TMEM163: variants seen among roughly 807,000 people sequenced by gnomAD.
TMEM163 encodes the protein transmembrane protein 163.
Under a neutral mutation model 29.3 loss-of-function variants are expected in TMEM163, and 17 were observed. That is an observed-to-expected ratio of 0.58 (90% CI 0.40 to 0.87). TMEM163 has a LOEUF of 0.87. Among genes scored for constraint, TMEM163 ranks in the 40% least tolerant of loss-of-function variants. TMEM163 has a pLI of 0.00. For missense variants in TMEM163, 303 were observed against 381.5 expected, an observed-to-expected ratio of 0.79 and a Z score of 1.71; for synonymous variants, 157 against 160.6, an observed-to-expected ratio of 0.98 and a Z score of 0.17.
At chr2:134,674,979 T>G (rs904597445) in intron 2 of TMEM163, among the ~76,000 whole-genome samples, 1 of 152,230 alleles carries the variant, frequency 6.6e-6, no homozygotes, top group African/African-American at 2.4e-5. Context: ...CCTGAATACG[T>G]ACATAATTTG....
At chr2:134,516,862 C>T (rs1048769889) in intron 4 of TMEM163, among the ~76,000 whole-genome samples, 4 of 150,718 alleles carry the variant, frequency 2.7e-5, no homozygotes, top group East Asian at 3.9e-4. Context: ...GGCCAAGGAC[C>T]GCAAGACTAA....
chr2:134,641,563 A>G (rs1297679470), intron 2 of TMEM163, among the ~76,000 whole-genome samples: 1 of 152,196 alleles, frequency 6.6e-6, no homozygotes, highest in African/African-American at 2.4e-5. Flanking sequence ...TGTGCAATAC[A>G]TATATCTGGC....
chr2:134,475,054 T>A (rs1047196720), intron 5 of TMEM163, among the ~76,000 whole-genome samples: 2 of 152,076 alleles, frequency 1.3e-5, no homozygotes, highest in African/African-American at 4.8e-5. Flanking sequence ...AAAGAACAAG[T>A]TTCAAAGGTT....
At chr2:134,456,904 G>A in intron 7 of TMEM163, 128 bp from the exon 8 acceptor site, 1 of 933,668 alleles carries the variant, frequency 1.1e-6, no homozygotes, top group Non-Finnish European at 1.6e-6. Context: ...GTGGCTCGGT[G>A]GTTTTTAGTA....
intron 2 of TMEM163, among the ~76,000 whole-genome samples, chr2:134,636,446 G>A (rs898941433): frequency 2.0e-5 from 3 of 152,148 alleles, no homozygotes; most frequent in African/African-American, 4.8e-5. Context: ...CATCGAAACC[G>A]CCATTGCAAA....
chr2:134,461,456 C>T (rs1027757798), intron 6 of TMEM163, among the ~76,000 whole-genome samples: 6 of 152,184 alleles, frequency 3.9e-5, no homozygotes, highest in African/African-American at 1.2e-4. Flanking sequence ...CTGTGCCCCT[C>T]GTCCAGAGCG....
At chr2:134,596,460 C>T (rs1220789071) in intron 2 of TMEM163, among the ~76,000 whole-genome samples, 2 of 152,128 alleles carry the variant, frequency 1.3e-5, no homozygotes, top group Admixed American at 6.5e-5. Flanking sequence ...CTGTTCTGTT[C>T]CATTGGTCTG....
rs370180070 is a variant in TMEM163, at chr2:134,542,217, T to TAGAAAGAA, written c.458+8352_458+8353insTTCTTTCT. Among the ~76,000 whole-genome samples the TAGAAAGAA allele has an allele frequency of 3.6e-3, 549 of 152,324 alleles. 7 individuals are homozygous for TAGAAAGAA. The highest frequency in any genetic ancestry group is 0.012 in the African/African-American group (519 of 41,564). ...AAAACAATTTTCAAAATTTTAGGGA[T>TAGAAAGAA]AGAAAGTAAGTTATTCAATGCCATG... On this transcript the variant is annotated intron_variant, in intron 4 of 7. Coordinates refer to ENST00000281924, the MANE Select transcript of TMEM163 (RefSeq NM_030923.5).
chr2:134,505,232 G>A (rs1442554620), intron 4 of TMEM163, among the ~76,000 whole-genome samples: 3 of 134,150 alleles, frequency 2.2e-5, no homozygotes, highest in Non-Finnish European at 3.1e-5. Context: ...ACTCACCTGG[G>A]GAATTCCTTT....
chr2:134,503,043 C>A (rs1483934200), intron 4 of TMEM163, 46 bp from the exon 5 acceptor site: 1 of 1,530,358 alleles, frequency 6.5e-7, no homozygotes, highest in African/African-American at 1.4e-5. Context: ...AGAACTCACA[C>A]TGCTGAAGAG....
chr2:134,469,090 G>T (rs957916033), intron 5 of TMEM163: 2 of 152,154 alleles, frequency 1.3e-5, no homozygotes, highest in Non-Finnish European at 2.9e-5. Flanking sequence ...AGCCTGGTCA[G>T]CATTCTCGTA....
intron 5 of TMEM163, among the ~76,000 whole-genome samples, chr2:134,486,936 G>A (rs930633603): frequency 1.3e-5 from 2 of 152,114 alleles, no homozygotes; most frequent in African/African-American, 4.8e-5. Context: ...ACATCTTAAA[G>A]GAAAAGAAAA....
chr2:134,712,999 C>A (rs1258436736), intron 2 of TMEM163, among the ~76,000 whole-genome samples: 1 of 152,148 alleles, frequency 6.6e-6, no homozygotes, highest in Admixed American at 6.5e-5. Context: ...CAGTCACTCT[C>A]CACCTCATCT....
rs1287690592 is a variant in TMEM163 at position 134,601,639 on chromosome 2, CA to C, written c.323-49549del. On this transcript the variant is annotated intron_variant, in intron 2 of 7. Coordinates refer to ENST00000281924, the MANE Select transcript of TMEM163 (RefSeq NM_030923.5). ...GTCTAAGTAATTCAGAACCAGTTCA[CA>C]AATGCTTATGGAGTGCTTGCTGTAT... Among the ~76,000 whole-genome samples the C allele has an allele frequency of 6.6e-5, 10 of 152,200 alleles. 1 individual carries two copies. Among genetic ancestry groups the C allele is most frequent in the African/African-American group, 2.4e-4 (10 of 41,452 alleles).
chr2:134,681,284 G>A (rs1203254690), intron 2 of TMEM163, among the ~76,000 whole-genome samples: 1 of 152,110 alleles, frequency 6.6e-6, no homozygotes, highest in Non-Finnish European at 1.5e-5. Context: ...TGGTGACCCC[G>A]ATGGGTACTG....
intron 1 of TMEM163, among the ~76,000 whole-genome samples, chr2:134,717,989 C>T (rs1685070900): frequency 6.6e-6 from 1 of 152,196 alleles, no homozygotes; most frequent in South Asian, 2.1e-4. Context: ...GTGTGCTGAC[C>T]TCCAGGCCAG....
chr2:134,567,498 C>A (rs1208864630), intron 2 of TMEM163, among the ~76,000 whole-genome samples: 1 of 152,102 alleles, frequency 6.6e-6, no homozygotes, highest in Non-Finnish European at 1.5e-5. Context: ...TCTAGACCAG[C>A]CTGACCAACA....
intron 2 of TMEM163, among the ~76,000 whole-genome samples, chr2:134,633,525 G>A (rs1476490787): frequency 6.6e-6 from 1 of 152,084 alleles, no homozygotes; most frequent in Non-Finnish European, 1.5e-5. Context: ...TAGAAAGATG[G>A]GAGCTTTTGC....
intron 5 of TMEM163, among the ~76,000 whole-genome samples, chr2:134,501,345 A>G (rs1436417350): frequency 6.6e-6 from 1 of 152,154 alleles, no homozygotes; most frequent in African/African-American, 2.4e-5. Flanking sequence ...ATAATAACAG[A>G]TTGCTCCCAG....
Sources: allele counts gnomAD v4.1 joint callset (sites outside exome capture counted in the v4.1 genomes callset), GRCh38; gene constraint gnomAD v4.1.1; transcripts MANE v1.5; gene names NCBI Gene and HGNC (gene_info 2026-07-23, HGNC 2026-07-21).